PNPLA1: variants seen among roughly 807,000 people sequenced by gnomAD.
PNPLA1 encodes the protein patatin like domain 1, omega-hydroxyceramide transacylase.
A neutral mutation model predicts 51.7 loss-of-function variants in PNPLA1; 36 were observed. The ratio of observed to expected loss-of-function variants is 0.70; its 90% CI spans 0.53 to 0.92. The LOEUF (loss-of-function observed/expected upper bound fraction) is 0.92. PNPLA1 is among the 40% of genes least tolerant of loss of function. PNPLA1 has a pLI of 0.00. For missense variants in PNPLA1, 658 were observed against 682.5 expected (o/e 0.96, Z 0.40); for synonymous variants, 293 against 280.1 (o/e 1.05, Z -0.46).
At chr6:36,277,491 T>C (rs1770141531) in intron 1 of PNPLA1, among the ~76,000 whole-genome samples, 1 of 152,228 alleles carries the variant, frequency 6.6e-6, no homozygotes, top group Non-Finnish European at 1.5e-5. Flanking sequence ...CAGTAGTCTC[T>C]GTTGCAACAA....
intron 1 of PNPLA1, among the ~76,000 whole-genome samples, chr6:36,280,510 C>G (rs1286197171): frequency 6.6e-6 from 1 of 152,114 alleles, no homozygotes; most frequent in Non-Finnish European, 1.5e-5. Context: ...GTTTTTTCAC[C>G]CAGATCCCTG....
chr6:36,294,025 G>A lies in PNPLA1; in HGVS notation c.505-165G>A, dbSNP rs1770773956. 9.3e-6 allele frequency: 7 copies of A among 751,088 alleles called. No individual in the cohort carries two copies. Among genetic ancestry groups the A allele is most frequent in the Admixed American group, 5.4e-5 (2 of 36,732 alleles). 46.5% of individuals were successfully genotyped at this position (751,088 alleles called of 1,614,324 possible). On this transcript the variant is annotated intron_variant, in intron 3 of 8. Transcript: ENST00000636260. The surrounding 1 kb of genome is among the most constrained non-coding windows in gnomAD (Gnocchi z 4.2). Reference sequence around the variant, plus strand: ...CACTAAGTGACCAGGGGCACACCACGCACCCACCAGGACCTCCGTCTCCAG... The same window carrying A: ...CACTAAGTGACCAGGGGCACACCACACACCCACCAGGACCTCCGTCTCCAG...
intron 7 of PNPLA1, 87 bp downstream of exon 7, chr6:36,306,463 C>G: frequency 8.5e-7 from 1 of 1,173,952 alleles, no homozygotes; most frequent in Non-Finnish European, 1.2e-6. Flanking sequence ...ACCTTAGCTG[C>G]CCCAGGAACT....
intron 1 of PNPLA1, among the ~76,000 whole-genome samples, chr6:36,279,395 G>A (rs764076280): frequency 2.6e-5 from 4 of 152,230 alleles, no homozygotes; most frequent in Non-Finnish European, 4.4e-5. Flanking sequence ...AGGCTGGCTG[G>A]TTATTGTCAT....
intron 1 of PNPLA1, among the ~76,000 whole-genome samples, chr6:36,279,134 G>GAGAT (rs1355634601): frequency 6.6e-6 from 1 of 152,202 alleles, no homozygotes; most frequent in East Asian, 1.9e-4. Context: ...CTCAGAAAGG[G>GAGAT]AGATGGCTTG....
intron 2 of PNPLA1, among the ~76,000 whole-genome samples, chr6:36,291,983 T>C (rs1770700434): frequency 1.3e-5 from 2 of 152,330 alleles, no homozygotes; most frequent in South Asian, 4.1e-4. Context: ...CCAGTGGCCC[T>C]TGATAAGGGA....
chr6:36,258,773 G>A (rs1769585295), intron 1 of PNPLA1, among the ~76,000 whole-genome samples: 1 of 152,206 alleles, frequency 6.6e-6, no homozygotes. Flanking sequence ...GTTTAGTCAG[G>A]AAGAAAGGGA....
At chr6:36,266,917 A>C (rs1769773897), upstream of PNPLA1, among the ~76,000 whole-genome samples, 2 of 152,250 alleles carry the variant, frequency 1.3e-5, no homozygotes, top group African/African-American at 2.4e-5. Flanking sequence ...GGAGGTAAGC[A>C]AAGGGTGATA....
At position 36,302,380 on chromosome 6, in the gene PNPLA1, T is replaced by G. The variant is rs566033715; in HGVS notation, c.1295T>G (p.Val432Gly). The G allele has an allele frequency of 6.2e-7, 1 of 1,602,294 alleles. No individual in the cohort carries two copies. Among genetic ancestry groups the G allele is most frequent in the South Asian group, 1.1e-5 (1 of 89,584 alleles). The change falls in exon 6 of 9, where the codon GTG becomes GGG. Residue 432 changes from valine to glycine, a missense_variant. Val to Gly is a moderately radical substitution (Grantham distance 109). Transcript: ENST00000636260. ...SPRPSLGPST[V>G]GAPQTLPRSS... ...AGGCCATCCCTGGGGCCTTCAACTG[T>G]GGGGGCACCTCAAACACTGCCCCGA...
At chr6:36,302,758 A>T (rs1436912577) in intron 6 of PNPLA1, among the ~76,000 whole-genome samples, 1 of 136,240 alleles carries the variant, frequency 7.3e-6, no homozygotes, top group African/African-American at 2.4e-5. Context: ...CCTACTGCAG[A>T]CCTACTAAAT....
At chr6:36,262,888 T>C (rs1769683373) in intron 1 of PNPLA1, among the ~76,000 whole-genome samples, 1 of 152,254 alleles carries the variant, frequency 6.6e-6, no homozygotes, top group African/African-American at 2.4e-5. Context: ...TTTCTGGATA[T>C]TTGCTATTAC....
At chr6:36,304,345 A>G (rs1771166958) in intron 6 of PNPLA1, among the ~76,000 whole-genome samples, 1 of 152,186 alleles carries the variant, frequency 6.6e-6, no homozygotes, top group Non-Finnish European at 1.5e-5. Flanking sequence ...GACAAAAACA[A>G]AACACCATTA....
intron 7 of PNPLA1, among the ~76,000 whole-genome samples, chr6:36,307,201 C>T (rs1224714609): frequency 6.6e-6 from 1 of 152,156 alleles, no homozygotes; most frequent in Non-Finnish European, 1.5e-5. Flanking sequence ...AATGTTTGCA[C>T]TCTCTCTCAC....
At chr6:36,267,710 C>T (rs1769795147), upstream of PNPLA1, among the ~76,000 whole-genome samples, 1 of 152,146 alleles carries the variant, frequency 6.6e-6, no homozygotes, top group African/African-American at 2.4e-5. Context: ...TGACCCCACA[C>T]CCTCCTCCGC....
chr6:36,309,756 G>A (rs189433552), intron 8 of PNPLA1, among the ~76,000 whole-genome samples: 125 of 152,318 alleles, frequency 8.2e-4, no homozygotes, highest in East Asian at 6.6e-3. Context: ...CCTGCCTGGA[G>A]GTGGCAATTT....
chr6:36,269,270 C>T (rs377454595), upstream of PNPLA1, among the ~76,000 whole-genome samples: 3 of 152,222 alleles, frequency 2.0e-5, no homozygotes, highest in East Asian at 3.9e-4. Flanking sequence ...CGGGAGACGC[C>T]ATCTTGCCTT....
At chr6:36,290,661 C>T (rs1006390805) in intron 1 of PNPLA1, among the ~76,000 whole-genome samples, 6 of 152,276 alleles carry the variant, frequency 3.9e-5, no homozygotes, top group East Asian at 3.9e-4. Context: ...CCCCGAATAG[C>T]GCATCTGCCC....
intron 1 of PNPLA1, among the ~76,000 whole-genome samples, chr6:36,282,192 A>G (rs10807166): frequency 1.9e-3 from 64 of 34,316 alleles, no homozygotes; most frequent in Middle Eastern, 9.8e-3. Flanking sequence ...AAAGAAAGAA[A>G]GAAGGAAGGA....
At chr6:36,282,102 AAG>A (rs1770318179) in intron 1 of PNPLA1, among the ~76,000 whole-genome samples, 1 of 142,308 alleles carries the variant, frequency 7.0e-6, no homozygotes, top group South Asian at 2.3e-4. Context: ...GGAAGGAAGG[AAG>A]GAAGGAAGGA....
Sources: gnomAD v4.1 joint callset for allele counts (sites outside exome capture counted in the v4.1 genomes callset) on GRCh38, gnomAD v4.1.1 for gene constraint, Gnocchi (gnomAD v3.1) non-coding constraint, MANE v1.5 for transcripts, NCBI Gene and HGNC (gene_info 2026-07-23, HGNC 2026-07-21) for gene names.